Variants in PPP1R9A observed in about 807,000 individuals in gnomAD.
The protein encoded by PPP1R9A is protein phosphatase 1 regulatory subunit 9A, also known as neurabin-1.
PPP1R9A carries 59 observed loss-of-function variants against 141.9 expected under a neutral mutation model. The observed-to-expected ratio is 0.42, with a 90% CI of 0.34 to 0.52. The LOEUF (loss-of-function observed/expected upper bound fraction) is 0.52, where lower values mean the gene tolerates loss of function less well. Among genes scored for constraint, PPP1R9A ranks in the 20% least tolerant of loss-of-function variants. The pLI, the probability that PPP1R9A is intolerant of heterozygous loss-of-function variation, is 0.10. For synonymous variants in PPP1R9A, 500 were observed against 569.7 expected, an observed-to-expected ratio of 0.88 and a Z score of 1.74; for missense variants, 1,444 against 1,611.9, an observed-to-expected ratio of 0.90 and a Z score of 1.78.
At chr7:95,280,031 A>G (rs1376918808) in intron 16 of PPP1R9A, among the ~76,000 whole-genome samples, 2 of 152,208 alleles carry the variant, frequency 1.3e-5, no homozygotes, top group East Asian at 3.9e-4. Flanking sequence ...TTAGATCAGA[A>G]CTCAGGATCT....
chr7:95,243,640 A>C (rs1797751631), intron 8 of PPP1R9A, among the ~76,000 whole-genome samples: 1 of 152,148 alleles, frequency 6.6e-6, no homozygotes, highest in South Asian at 2.1e-4. Flanking sequence ...AGTTAGATAC[A>C]TGGTTAAGGG....
chr7:95,148,090 A>G lies in PPP1R9A; in HGVS notation c.1650-13777A>G, dbSNP rs190959007. Among the ~76,000 whole-genome samples the G allele has an allele frequency of 3.7e-3, 569 of 152,310 alleles. 1 individual carries two copies. The highest frequency in any genetic ancestry group is 6.4e-3 in the Non-Finnish European group (433 of 68,028). On this transcript the variant is annotated intron_variant, in intron 4 of 19. Transcript: ENST00000433360. ...GAAATTCATATTATTGAATGCATATATATTAGAAAAGAAGAAAGATCTAAA... is the reference window on the plus strand; with the variant it reads ...GAAATTCATATTATTGAATGCATATGTATTAGAAAAGAAGAAAGATCTAAA...
At chr7:95,106,064 G>T (rs1819470203) in intron 2 of PPP1R9A, among the ~76,000 whole-genome samples, 1 of 152,096 alleles carries the variant, frequency 6.6e-6, no homozygotes, top group African/African-American at 2.4e-5. Flanking sequence ...AGACCAGCCT[G>T]TGCAATATGG....
chr7:95,138,971 T>A (rs1482442749), intron 4 of PPP1R9A, among the ~76,000 whole-genome samples: 1 of 152,238 alleles, frequency 6.6e-6, no homozygotes, highest in African/African-American at 2.4e-5. Flanking sequence ...TACACTTAAC[T>A]TTTTGATCCA....
chr7:94,945,765 G>A (rs779289890), intron 2 of PPP1R9A, among the ~76,000 whole-genome samples: 13 of 152,010 alleles, frequency 8.6e-5, no homozygotes, highest in Non-Finnish European at 1.8e-4. Context: ...TATTTGACAT[G>A]CCCAAAGCGG....
intron 3 of PPP1R9A, among the ~76,000 whole-genome samples, chr7:95,116,128 A>T (rs1459612432): frequency 6.6e-6 from 1 of 152,160 alleles, no homozygotes; most frequent in Non-Finnish European, 1.5e-5. Flanking sequence ...TTAACACATG[A>T]TGGAAGCTGC....
chr7:95,288,057 C>G (rs1805674292), intron 18 of PPP1R9A, among the ~76,000 whole-genome samples: 1 of 152,142 alleles, frequency 6.6e-6, no homozygotes, highest in African/African-American at 2.4e-5. Context: ...GCTTGCTGCT[C>G]AAGTGAAATA....
chr7:95,063,953 G>C (rs1322685464), intron 2 of PPP1R9A, among the ~76,000 whole-genome samples: 2 of 152,150 alleles, frequency 1.3e-5, no homozygotes, highest in African/African-American at 4.8e-5. Flanking sequence ...TTTGTAAAGA[G>C]AGCCTTATAA....
At chr7:95,251,009 C>A (rs1467728578) in intron 10 of PPP1R9A, among the ~76,000 whole-genome samples, 1 of 152,090 alleles carries the variant, frequency 6.6e-6, no homozygotes, top group Non-Finnish European at 1.5e-5. Context: ...GCCTCAGAAG[C>A]TAAGCATATA....
At chr7:95,109,468 T>C (rs143899119) in intron 2 of PPP1R9A, among the ~76,000 whole-genome samples, 14 of 152,290 alleles carry the variant, frequency 9.2e-5, no homozygotes, top group Non-Finnish European at 1.9e-4. Context: ...TAAATGTGAA[T>C]AAGTGATTAC....
rs201133814 is a variant in PPP1R9A at position 95,219,886 on chromosome 7, C to CT, written c.1957-6068dup. ...GCCCTCATCTCTCCAACCCCAAATG[C>CT]TTTTTTTGTTGCATTAGTTTATGGT... On this transcript the variant is annotated intron_variant, in intron 7 of 19. Coordinates refer to ENST00000433360, the MANE Select transcript of PPP1R9A (RefSeq NM_001166160.2). Among the ~76,000 whole-genome samples, 1,222 of 152,016 alleles carry CT rather than the reference C, an allele frequency of 8.0e-3. 7 individuals are homozygous for CT. The highest frequency in any genetic ancestry group is 0.014 in the African/African-American group (568 of 41,476).
At chr7:95,276,306 G>A (rs1198388279) in intron 16 of PPP1R9A, among the ~76,000 whole-genome samples, 1 of 152,172 alleles carries the variant, frequency 6.6e-6, no homozygotes, top group Non-Finnish European at 1.5e-5. Context: ...TCACCTCCTT[G>A]TATAAATCAC....
intron 2 of PPP1R9A, among the ~76,000 whole-genome samples, chr7:94,953,075 G>T (rs1270026868): frequency 1.3e-5 from 2 of 152,080 alleles, no homozygotes; most frequent in East Asian, 3.9e-4. Flanking sequence ...TTCTTCTAGG[G>T]TTTTTATGGG....
At chr7:95,042,313 C>G (rs1809363370) in intron 2 of PPP1R9A, among the ~76,000 whole-genome samples, 1 of 152,114 alleles carries the variant, frequency 6.6e-6, no homozygotes, top group Non-Finnish European at 1.5e-5. Flanking sequence ...GAAATTTTGT[C>G]TACACAACCT....
chr7:95,194,739 AATACTT>A (rs1835990650), intron 5 of PPP1R9A, among the ~76,000 whole-genome samples: 1 of 151,898 alleles, frequency 6.6e-6, no homozygotes, highest in South Asian at 2.1e-4. Context: ...AAAAAAATGA[AATACTT>A]AGAGGTAAAT....
At chr7:95,112,295 A>G (rs911442771) in intron 3 of PPP1R9A, among the ~76,000 whole-genome samples, 2 of 152,242 alleles carry the variant, frequency 1.3e-5, no homozygotes, top group Non-Finnish European at 2.9e-5. Context: ...ACAAGCAGTC[A>G]ACAAACATGA....
At position 95,293,648 on chromosome 7, in the gene PPP1R9A, A is replaced by G. The variant is rs1453188852; in HGVS notation, c.*3345A>G. 1 of 152,182 alleles carries G rather than the reference A, an allele frequency of 6.6e-6. No individual in the cohort carries two copies. Among genetic ancestry groups the G allele is most frequent in the African/African-American group, 2.4e-5 (1 of 41,456 alleles). The allele number at this position is 152,182 out of a possible 1,614,324, so 9.4% of individuals were successfully genotyped here. A position where few individuals can be genotyped will look rare whatever the true frequency, so the allele number is the denominator to read the frequency against. ...CTTTGCCACTATCTGTGACCCTGTA[A>G]TCATCACTAGCCTGAAATCTTAAAA... On this transcript the variant is annotated 3_prime_UTR_variant, in exon 20 of 20. Transcript: ENST00000433360.
At chr7:95,077,698 T>G (rs1257102378) in intron 2 of PPP1R9A, among the ~76,000 whole-genome samples, 1 of 152,170 alleles carries the variant, frequency 6.6e-6, no homozygotes, top group East Asian at 1.9e-4. Context: ...GAAATAATGG[T>G]AAATCTCAAA....
chr7:95,110,090 A>T (rs79538633), intron 2 of PPP1R9A, among the ~76,000 whole-genome samples: 11,551 of 152,170 alleles, frequency 0.076, 623 homozygotes, highest in Non-Finnish European at 0.12. Context: ...AAATCCTACA[A>T]ATGATACTAT....
Sources: gnomAD v4.1 joint callset for allele counts (sites outside exome capture counted in the v4.1 genomes callset) on GRCh38, gnomAD v4.1.1 for gene constraint, MANE v1.5 for transcripts, NCBI Gene and HGNC (gene_info 2026-07-23, HGNC 2026-07-21) for gene names.